The following GNA15 variants were observed in gnomAD, a reference collection of about 807,000 sequenced individuals.
GNA15 encodes the protein guanine nucleotide-binding protein subunit alpha-15.
In GNA15, 23 loss-of-function variants were observed where a neutral mutation model predicts 40.1. The ratio of observed to expected loss-of-function variants is 0.57; its 90% CI spans 0.41 to 0.81. The LOEUF is 0.81. GNA15 is among the 40% of genes least tolerant of loss of function. GNA15 has a pLI of 0.00. For synonymous variants in GNA15, 226 were observed against 210.4 expected (o/e 1.07, Z -0.64); for missense variants, 522 against 515.8 (o/e 1.01, Z -0.12).
intron 2 of GNA15, chr19:3,149,191 GCA>G (rs761229427): frequency 2.2e-4 from 40 of 182,486 alleles, no homozygotes; most frequent in East Asian, 1.9e-3. Flanking sequence ...ACAAATAAGT[GCA>G]CACACAAATG....
intron 1 of GNA15, among the ~76,000 whole-genome samples, chr19:3,147,020 T>C (rs1011074552): frequency 6.6e-5 from 10 of 152,030 alleles, no homozygotes; most frequent in African/African-American, 2.2e-4. Flanking sequence ...TACTGTCACC[T>C]GGTGTGCCCT....
At chr19:3,144,751 A>C (rs901212863) in intron 1 of GNA15, among the ~76,000 whole-genome samples, 2 of 150,608 alleles carry the variant, frequency 1.3e-5, no homozygotes, top group Non-Finnish European at 2.9e-5. Flanking sequence ...GATGGTCTCG[A>C]TCTCCTGACC....
intron 2 of GNA15, 190 bp downstream of exon 2, chr19:3,148,965 A>T: frequency 1.7e-6 from 1 of 596,284 alleles, no homozygotes; most frequent in East Asian, 2.8e-5. Flanking sequence ...ATACAAGTGC[A>T]CACACAAGTA....
Position 3,136,158 on chromosome 19 carries a change from T to A in GNA15, c.-293T>A. The A allele has an allele frequency of 4.2e-6, 1 of 235,586 alleles. No individual in the cohort carries two copies. The highest frequency in any genetic ancestry group is 8.3e-6 in the Non-Finnish European group (1 of 120,866). The allele number at this position is 235,586 out of a possible 1,614,324, so 14.6% of individuals were successfully genotyped here. A position where few individuals can be genotyped will look rare whatever the true frequency, so the allele number is the denominator to read the frequency against. On this transcript the variant is annotated 5_prime_UTR_variant, in exon 1 of 7. Coordinates refer to ENST00000262958, the MANE Select transcript of GNA15 (RefSeq NM_002068.4). The surrounding 1 kb of genome is among the most constrained non-coding windows in gnomAD (Gnocchi z 4.9). ...CTCCTGGCACCCTTCACCGTCAACC[T>A]GTCGGGCCGGGTCTGAGCAGGTCTG...
intron 4 of GNA15, among the ~76,000 whole-genome samples, chr19:3,152,420 AG>A (rs1914902400): frequency 6.6e-6 from 1 of 152,080 alleles, no homozygotes; most frequent in South Asian, 2.1e-4. Flanking sequence ...TTTTTTGTCA[AG>A]GTGATGGGGG....
intron 1 of GNA15, among the ~76,000 whole-genome samples, chr19:3,144,126 T>TAA (rs1347469041): frequency 1.5e-5 from 1 of 66,336 alleles, no homozygotes. Flanking sequence ...AGACTCCCTC[T>TAA]CAAAAAAAAA....
intron 1 of GNA15, among the ~76,000 whole-genome samples, chr19:3,144,127 CAA>C (rs367866195): frequency 1.0e-4 from 13 of 124,798 alleles, no homozygotes; most frequent in Admixed American, 2.5e-4. Flanking sequence ...GACTCCCTCT[CAA>C]AAAAAAAAAA....
chr19:3,139,672 G>T (rs1041118887), intron 1 of GNA15, among the ~76,000 whole-genome samples: 2 of 151,960 alleles, frequency 1.3e-5, no homozygotes, highest in African/African-American at 4.8e-5. Context: ...GGCCGAGGTG[G>T]GCAGATCATG....
intron 2 of GNA15, chr19:3,149,017 A>G (rs908563394): frequency 1.4e-5 from 7 of 509,798 alleles, no homozygotes; most frequent in African/African-American, 1.4e-4. Context: ...GCACACGCAC[A>G]GACATGCACA....
chr19:3,158,057 T>C, intron 6 of GNA15, among the ~76,000 whole-genome samples, 176 bp downstream of exon 6: 1 of 152,156 alleles, frequency 6.6e-6, no homozygotes, highest in East Asian at 1.9e-4. Context: ...TTTTCCCTTC[T>C]GTGGAATGGA....
chr19:3,150,058 C>A, intron 2 of GNA15, 73 bp from the exon 3 acceptor site: 2 of 1,346,216 alleles, frequency 1.5e-6, no homozygotes, highest in Non-Finnish European at 1.0e-6. Flanking sequence ...GACGTGGGGG[C>A]TTGCAGAGAT....
chr19:3,136,378 T>A lies in GNA15; in HGVS notation c.-73T>A, dbSNP rs925118575. The A allele has an allele frequency of 3.4e-6, 5 of 1,467,196 alleles. No homozygotes were observed. The highest frequency in any genetic ancestry group is 4.6e-6 in the Non-Finnish European group (5 of 1,098,484). The allele number at this position is 1,467,196 out of a possible 1,614,324, so 90.9% of individuals were successfully genotyped here. ...GCCCGGAGCCCTCTCCAGGGCCGGC[T>A]GGGCTGGGGGTTGCCCTGGCCAGCA... On this transcript the variant is annotated 5_prime_UTR_variant, in exon 1 of 7. Transcript: ENST00000262958. This position sits in a 1 kb window ranked among gnomAD's most constrained non-coding sequence, Gnocchi z 4.9.
chr19:3,137,098 T>C (rs1264798076), intron 1 of GNA15, among the ~76,000 whole-genome samples: 1 of 152,244 alleles, frequency 6.6e-6, no homozygotes, highest in East Asian at 1.9e-4. Context: ...GATTGGTTCA[T>C]TGGTTCATTC....
chr19:3,136,403 A>T lies in GNA15; in HGVS notation c.-48A>T. The T allele has an allele frequency of 6.5e-7, 1 of 1,533,722 alleles. No individual in the cohort carries two copies. On this transcript the variant is annotated 5_prime_UTR_variant, in exon 1 of 7. Transcript: ENST00000262958. The surrounding 1 kb of genome is among the most constrained non-coding windows in gnomAD (Gnocchi z 4.9). The stretch of plus-strand genomic sequence containing the variant: ...TGGGCTGGGGGTTGCCCTGGCCAGC[A>T]GGGGCCCGGGGGCGATGCCACCCGG...
At chr19:3,140,902 C>T (rs140959452) in intron 1 of GNA15, among the ~76,000 whole-genome samples, 152 of 152,334 alleles carry the variant, frequency 1.0e-3, no homozygotes, top group African/African-American at 3.6e-3. Flanking sequence ...TGATGGAGGG[C>T]AGGGGATGAC....
chr19:3,158,496 C>A (rs1019845080), intron 6 of GNA15, among the ~76,000 whole-genome samples: 3 of 152,032 alleles, frequency 2.0e-5, no homozygotes, highest in African/African-American at 7.2e-5. Flanking sequence ...GGGGTTTGAG[C>A]CAAGATCCTT....
rs1346690858 is a variant in GNA15 at position 3,163,085 on chromosome 19, C to T, written c.*66C>T. ...GGGAGGTGGGAGTGGCTGCAGGGAC[C>T]CCTAGTGTCCCTGGTCTATCTCTCC... On this transcript the variant is annotated 3_prime_UTR_variant, in exon 7 of 7. Coordinates refer to ENST00000262958, the MANE Select transcript of GNA15 (RefSeq NM_002068.4). 2.7e-5 allele frequency: 26 copies of T among 970,820 alleles called. No individual in the cohort carries two copies. The highest frequency in any genetic ancestry group is 3.9e-5 in the Non-Finnish European group (24 of 608,118). 60.1% of individuals were successfully genotyped at this position (970,820 alleles called of 1,614,324 possible). A position where few individuals can be genotyped will look rare whatever the true frequency, so the allele number is the denominator to read the frequency against.
rs1383669397 is a variant in GNA15, at chr19:3,136,039, A to C, written c.-412A>C. On this transcript the variant is annotated 5_prime_UTR_variant, in exon 1 of 7. Coordinates refer to ENST00000262958, the MANE Select transcript of GNA15 (RefSeq NM_002068.4). The surrounding 1 kb of genome is among the most constrained non-coding windows in gnomAD (Gnocchi z 4.9). The stretch of plus-strand genomic sequence containing the variant: ...GAGAATCCGCCCCTTCTCCAGAAGG[A>C]GGAAGAAGGGCCCTGCTGGTCACAC... Among the ~76,000 whole-genome samples, 2 of 151,548 alleles carry C rather than the reference A, an allele frequency of 1.3e-5. No individual in the cohort carries two copies. The highest frequency in any genetic ancestry group is 2.9e-5 in the Non-Finnish European group (2 of 67,874).
At chr19:3,161,576 C>G (rs561287026) in intron 6 of GNA15, among the ~76,000 whole-genome samples, 1 of 152,176 alleles carries the variant, frequency 6.6e-6, no homozygotes, top group South Asian at 2.1e-4. Context: ...TGGATAGCCC[C>G]TCTTCCTTGC....
Sources: allele counts gnomAD v4.1 joint callset (sites outside exome capture counted in the v4.1 genomes callset), GRCh38; gene constraint gnomAD v4.1.1; non-coding constraint Gnocchi (gnomAD v3.1); transcripts MANE v1.5; gene names NCBI Gene and HGNC (gene_info 2026-07-23, HGNC 2026-07-21).